Variants in RFWD3 observed in about 807,000 individuals in gnomAD.
RFWD3 encodes E3 ubiquitin-protein ligase RFWD3.
RFWD3 carries 65 observed loss-of-function variants against 87.7 expected under a neutral mutation model. That is an observed-to-expected ratio of 0.74 (90% confidence interval 0.61 to 0.91). The LOEUF (loss-of-function observed/expected upper bound fraction) is 0.91, where lower values mean the gene tolerates loss of function less well. Among genes scored for constraint, RFWD3 ranks in the 40% least tolerant of loss-of-function variants. The probability of loss-of-function intolerance (pLI) is 0.00; values close to 1 mark genes in which losing one functional copy is unlikely to be tolerated. For missense variants in RFWD3, 1,078 were observed against 938.5 expected (o/e 1.15, Z -1.94); for synonymous variants, 433 against 352.8 (o/e 1.23, Z -2.55).
At chr16:74,655,135 G>A (rs924558509) in intron 2 of RFWD3, among the ~76,000 whole-genome samples, 7 of 152,286 alleles carry the variant, frequency 4.6e-5, no homozygotes, top group African/African-American at 1.2e-4. Flanking sequence ...AAGATGCCAC[G>A]TAGGACTTTT....
At chr16:74,642,110 AG>A (rs1959709731) in intron 6 of RFWD3, among the ~76,000 whole-genome samples, 1 of 152,096 alleles carries the variant, frequency 6.6e-6, no homozygotes, top group African/African-American at 2.4e-5. Flanking sequence ...CTTAGTTCAC[AG>A]GAAGACTTCT....
At chr16:74,653,028 T>C (rs1441634733) in intron 2 of RFWD3, among the ~76,000 whole-genome samples, 2 of 152,012 alleles carry the variant, frequency 1.3e-5, no homozygotes, top group Non-Finnish European at 1.5e-5. Context: ...TGAGGAAGGA[T>C]CTAGGGACAC....
intron 4 of RFWD3, among the ~76,000 whole-genome samples, chr16:74,648,726 G>A (rs1962372104): frequency 1.3e-5 from 2 of 151,482 alleles, no homozygotes; most frequent in Non-Finnish European, 2.9e-5. Context: ...GGTGAGCTGA[G>A]ATCGCACCAC....
chr16:74,665,460 C>G (rs1961806628), intron 1 of RFWD3, among the ~76,000 whole-genome samples: 1 of 152,100 alleles, frequency 6.6e-6, no homozygotes, highest in African/African-American at 2.4e-5. Context: ...TGCCTGTAAT[C>G]CCAGCTACTT....
intron 1 of RFWD3, among the ~76,000 whole-genome samples, chr16:74,665,846 A>T (rs1009024929): frequency 6.6e-6 from 1 of 151,492 alleles, no homozygotes; most frequent in Non-Finnish European, 1.5e-5. Context: ...TCCCGGGTTC[A>T]AGCGATTCTC....
chr16:74,648,264 T>C (rs1960311551), intron 4 of RFWD3, among the ~76,000 whole-genome samples: 2 of 151,858 alleles, frequency 1.3e-5, no homozygotes, highest in African/African-American at 2.4e-5. Context: ...GTAACTGGGA[T>C]AGGATCCACA....
chr16:74,621,595 T>C lies in RFWD3; in HGVS notation c.*2333A>G, dbSNP rs1365861340. ...ACTTAGAGGTAGTGACAAAGGAATATGGTGGGGCAGAGACTGGTGGAGCCC... is the reference window on the plus strand; with the variant it reads ...ACTTAGAGGTAGTGACAAAGGAATACGGTGGGGCAGAGACTGGTGGAGCCC... On this transcript the variant is annotated 3_prime_UTR_variant, in exon 13 of 13. Coordinates refer to ENST00000361070, the MANE Select transcript of RFWD3 (RefSeq NM_018124.4). 1 of 151,982 alleles carries C rather than the reference T, an allele frequency of 6.6e-6. No homozygotes were observed. Among genetic ancestry groups the C allele is most frequent in the Non-Finnish European group, 1.5e-5 (1 of 67,968 alleles). The allele number at this position is 151,982 out of a possible 1,614,324, so 9.4% of individuals were successfully genotyped here. A position where few individuals can be genotyped will look rare whatever the true frequency, so the allele number is the denominator to read the frequency against.
At chr16:74,653,283 G>C (rs552401883) in intron 2 of RFWD3, among the ~76,000 whole-genome samples, 1 of 152,084 alleles carries the variant, frequency 6.6e-6, no homozygotes, top group African/African-American at 2.4e-5. Flanking sequence ...AGGCTGCAGT[G>C]AGCCATGATG....
intron 8 of RFWD3, among the ~76,000 whole-genome samples, chr16:74,635,207 G>A (rs888813310): frequency 6.6e-6 from 1 of 152,010 alleles, no homozygotes; most frequent in Non-Finnish European, 1.5e-5. Flanking sequence ...AACCCGAGAG[G>A]TGGAGCTTGC....
Position 74,632,653 on chromosome 16 carries a change from T to C in RFWD3, c.1447A>G (p.Ser483Gly), listed in dbSNP as rs1213543404. The change falls in exon 9 of 13, where the codon AGT becomes GGT. Residue 483 changes from serine to glycine, a missense_variant. Transcript: ENST00000361070. ...TGACTGCTCTTCATGTTGGCAGTAC[T>C]CAACATCTTAACACCAAAGCCTGAA... ...FLPGFGVKML[S>G]TANMKSSQYI... 4 of 1,613,984 alleles carry C rather than the reference T, an allele frequency of 2.5e-6. No individual in the cohort carries two copies. The African/African-American group carries it at 5.3e-5, about 22-fold the overall frequency.
chr16:74,637,077 T>G lies in RFWD3; in HGVS notation c.1195-500A>C, dbSNP rs955123018. On this transcript the variant is annotated intron_variant, in intron 7 of 12. Transcript: ENST00000361070. ...AAATAAGGAGAGCACAGAATCATAA[T>G]ATGAGGGTTGAAAGTCCTTAATGGT... Among the ~76,000 whole-genome samples, 3 of 138,812 alleles carry G rather than the reference T, an allele frequency of 2.2e-5. No homozygotes were observed. The Admixed American group carries it at 2.3e-4, about 11-fold the overall frequency. The allele number at this position is 138,812 out of a possible 152,430, so 91.1% of individuals were successfully genotyped here.
At chr16:74,639,466 T>C (rs1959448636) in intron 6 of RFWD3, among the ~76,000 whole-genome samples, 1 of 152,182 alleles carries the variant, frequency 6.6e-6, no homozygotes, top group Non-Finnish European at 1.5e-5. Flanking sequence ...AGCACGTGAC[T>C]GTAAAGTAAA....
chr16:74,651,559 C>T (rs145084957), intron 3 of RFWD3, among the ~76,000 whole-genome samples: 8 of 152,200 alleles, frequency 5.3e-5, no homozygotes, highest in Non-Finnish European at 8.8e-5. Flanking sequence ...GCGGAAGTTG[C>T]AGTAAGCTGA....
chr16:74,665,336 C>G (rs550028910), intron 1 of RFWD3: 23 of 152,446 alleles, frequency 1.5e-4, no homozygotes, highest in African/African-American at 4.8e-4. Context: ...CCTGTAATCC[C>G]AGCACTTTGG....
At chr16:74,653,374 G>A (rs1027548072) in intron 2 of RFWD3, among the ~76,000 whole-genome samples, 3 of 151,942 alleles carry the variant, frequency 2.0e-5, no homozygotes, top group Non-Finnish European at 4.4e-5. Flanking sequence ...CAAAAAACTT[G>A]GGAGGCTGAG....
intron 1 of RFWD3, among the ~76,000 whole-genome samples, 157 bp from the exon 2 acceptor site, chr16:74,661,608 G>A (rs1961446833): frequency 6.6e-6 from 1 of 152,222 alleles, no homozygotes; most frequent in Non-Finnish European, 1.5e-5. Context: ...TAAGTCAGAA[G>A]TGTTTGGTAA....
rs201855350 is a variant in RFWD3, at chr16:74,651,972, C to T, written c.669G>A (p.Glu223=). Residue 223 remains glutamate, a synonymous_variant, in exon 3 of 13, where the codon GAG becomes GAA. Transcript: ENST00000361070. ...CTGCCTGGTCAACAACCCCTCCATA[C>T]TCTGCAGAGCTGTCACTGTCAGAAT... ...SSDSDSDSSA[E]YGGVVDQAEE... 6.2e-7 allele frequency: 1 copy of T among 1,614,066 alleles called. No individual in the cohort carries two copies. Among genetic ancestry groups the T allele is most frequent in the African/African-American group, 1.3e-5 (1 of 75,042 alleles).
rs1958792091 is a variant in RFWD3 at position 74,622,201 on chromosome 16, AT to A, written c.*1726del. On this transcript the variant is annotated 3_prime_UTR_variant, in exon 13 of 13. Transcript: ENST00000361070. ...GAAGCCAGATGAGTTCTGCTTTTTA[AT>A]TCCAATCCTATTCTGCCACTGAAAC... is the stretch of plus-strand genomic sequence containing the variant. The A allele has an allele frequency of 6.6e-6, 1 of 152,176 alleles. No individual in the cohort carries two copies. Among genetic ancestry groups the A allele is most frequent in the African/African-American group, 2.4e-5 (1 of 41,436 alleles). 9.4% of individuals were successfully genotyped at this position (152,176 alleles called of 1,614,324 possible).
intron 3 of RFWD3, among the ~76,000 whole-genome samples, chr16:74,651,402 G>A (rs941460204): frequency 1.2e-4 from 18 of 152,126 alleles, no homozygotes; most frequent in African/African-American, 4.1e-4. Context: ...TGGATCTCTT[G>A]AGCTCAGGAG....
Sources: gnomAD v4.1 joint callset for allele counts (sites outside exome capture counted in the v4.1 genomes callset) on GRCh38, gnomAD v4.1.1 for gene constraint, MANE v1.5 for transcripts, NCBI Gene and HGNC (gene_info 2026-07-23, HGNC 2026-07-21) for gene names.